Variants in CPEB3 observed in about 807,000 individuals in gnomAD.
CPEB3 encodes the protein cytoplasmic polyadenylation element-binding protein 3.
In CPEB3, 20 loss-of-function variants were observed where a neutral mutation model predicts 67.2. That is an observed-to-expected ratio of 0.30 (90% CI 0.21 to 0.43). CPEB3 has a LOEUF of 0.43. CPEB3 is among the 20% of genes least tolerant of loss of function. The pLI, the probability that CPEB3 is intolerant of heterozygous loss-of-function variation, is 1.00. For missense variants in CPEB3, 746 were observed against 968.6 expected (o/e 0.77, Z 3.05); for synonymous variants, 376 against 393.1 (o/e 0.96, Z 0.51).
intron 2 of CPEB3, among the ~76,000 whole-genome samples, chr10:92,209,389 G>A (rs1379839876): frequency 6.6e-6 from 1 of 152,134 alleles, no homozygotes; most frequent in Non-Finnish European, 1.5e-5. Context: ...GCTGGGCGTG[G>A]TGGCACATGC....
intron 6 of CPEB3, among the ~76,000 whole-genome samples, chr10:92,121,348 C>CAT (rs1311471882): frequency 2.6e-4 from 38 of 145,730 alleles, no homozygotes; most frequent in Non-Finnish European, 4.2e-4. Flanking sequence ...AATACACACA[C>CAT]ATATATATAT....
intron 1 of CPEB3, among the ~76,000 whole-genome samples, chr10:92,277,432 C>G (rs1185536952): frequency 6.6e-6 from 1 of 152,172 alleles, no homozygotes; most frequent in Non-Finnish European, 1.5e-5. Flanking sequence ...GCATCCTTGT[C>G]AAAATCTATT....
At position 92,279,495 on chromosome 10, in the gene CPEB3, G is replaced by A. The variant is rs149374878; in HGVS notation, c.-12+11431C>T. On this transcript the variant is annotated intron_variant, in intron 1 of 9. Transcript: ENST00000265997. ...TTCATTTTTCCTTCACAGTACTCCA[G>A]CATATGTCTATTTATAGCACTTCAT... is the stretch of plus-strand genomic sequence containing the variant. Among the ~76,000 whole-genome samples the A allele has an allele frequency of 1.3e-3, 195 of 152,140 alleles. 1 individual carries two copies. Among genetic ancestry groups the A allele is most frequent in the East Asian group, 9.6e-3 (50 of 5,186 alleles).
At chr10:92,286,578 CTATCTAAAAAAAAAAAAAAAAAACA>C (rs932180906) in intron 1 of CPEB3, among the ~76,000 whole-genome samples, 2 of 140,922 alleles carry the variant, frequency 1.4e-5, no homozygotes, top group African/African-American at 5.3e-5. Flanking sequence ...GAGCAAGACT[CTATCTAAAAAAAAAAAAAAAAAACA>C]TAGGTATAGT....
chr10:92,201,207 A>C (rs1849507271), intron 2 of CPEB3, among the ~76,000 whole-genome samples: 1 of 152,118 alleles, frequency 6.6e-6, no homozygotes, highest in African/African-American at 2.4e-5. Context: ...AATGACTATG[A>C]CGGTCAGAAG....
Position 92,239,964 on chromosome 10 carries a change from T to G in CPEB3, c.387A>C (p.Pro129=), listed in dbSNP as rs766806592. The G allele has an allele frequency of 6.2e-7, 1 of 1,613,288 alleles. No homozygotes were observed. Among genetic ancestry groups the G allele is most frequent in the South Asian group, 1.1e-5 (1 of 90,862 alleles). The change falls in exon 2 of 10, where the codon CCA becomes CCC. Residue 129 remains proline, a synonymous_variant. Coordinates refer to ENST00000265997, the MANE Select transcript of CPEB3 (RefSeq NM_014912.5). The surrounding 1 kb of genome is among the most constrained non-coding windows in gnomAD (Gnocchi z 6.0). ...TCTGGAAGAGCATGGTCCCGTTGAC[T>G]GGGGTGATCCCCTGGAAGAAGCTGT... ...VEDSFFQGIT[P]VNGTMLFQNF...
intron 4 of CPEB3, among the ~76,000 whole-genome samples, chr10:92,169,407 G>A (rs1847902748): frequency 6.6e-6 from 1 of 152,310 alleles, no homozygotes; most frequent in South Asian, 2.1e-4. Context: ...CCAAAGTGCT[G>A]GGATTACAGG....
In CPEB3 at chr10:92,081,301, A is replaced by T; in HGVS notation, c.1869+19T>A. On this transcript the variant is annotated intron_variant, in intron 9 of 9. Coordinates refer to ENST00000265997, the MANE Select transcript of CPEB3 (RefSeq NM_014912.5). ...TTCTTTTCTCTCCCATAGCAGTTTCACCCTAAGTAGGTGCTTACCCGTTTG... is the reference window on the plus strand; with the variant it reads ...TTCTTTTCTCTCCCATAGCAGTTTCTCCCTAAGTAGGTGCTTACCCGTTTG... 6.2e-7 allele frequency: 1 copy of T among 1,614,042 alleles called. No individual in the cohort carries two copies. The highest frequency in any genetic ancestry group is 8.5e-7 in the Non-Finnish European group (1 of 1,179,934).
At chr10:92,077,166 C>A (rs1471676829) in intron 9 of CPEB3, among the ~76,000 whole-genome samples, 1 of 152,056 alleles carries the variant, frequency 6.6e-6, no homozygotes, top group Non-Finnish European at 1.5e-5. Flanking sequence ...TAAGGAAATA[C>A]AAAAGTGCTT....
intron 2 of CPEB3, among the ~76,000 whole-genome samples, chr10:92,217,850 G>A (rs374383101): frequency 6.6e-6 from 1 of 152,202 alleles, no homozygotes; most frequent in South Asian, 2.1e-4. Context: ...AAATCAAAGA[G>A]GTCAGGCCTG....
chr10:92,178,702 T>G (rs1431229129), intron 4 of CPEB3, among the ~76,000 whole-genome samples: 2 of 152,004 alleles, frequency 1.3e-5, no homozygotes, highest in African/African-American at 4.8e-5. Flanking sequence ...ACATACATAT[T>G]TTAAAAAAGA....
chr10:92,136,996 T>C lies in CPEB3; in HGVS notation c.1453+6033A>G, dbSNP rs147485284. On this transcript the variant is annotated intron_variant, in intron 6 of 9. Transcript: ENST00000265997. Reference sequence around the variant, plus strand: ...TGGAATCCCTCCTCCATGGCATCTATGCCTATGGTTTTGAGAAGTCCTCTG... The same window carrying C: ...TGGAATCCCTCCTCCATGGCATCTACGCCTATGGTTTTGAGAAGTCCTCTG... 6.3e-4 allele frequency: 132 copies of C among 209,368 alleles called. 4 individuals carry two copies. The East Asian group carries it at 0.016, about 25-fold the overall frequency. The allele number at this position is 209,368 out of a possible 1,614,324, so 13.0% of individuals were successfully genotyped here. A position where few individuals can be genotyped will look rare whatever the true frequency, so the allele number is the denominator to read the frequency against.
At chr10:92,084,704 C>T (rs1383112190) in intron 8 of CPEB3, among the ~76,000 whole-genome samples, 1 of 152,110 alleles carries the variant, frequency 6.6e-6, no homozygotes, top group Non-Finnish European at 1.5e-5. Flanking sequence ...CTCAGCCTCC[C>T]GAGCAGCTGG....
At chr10:92,215,151 ATTTT>A (rs79149383) in intron 2 of CPEB3, among the ~76,000 whole-genome samples, 2 of 123,164 alleles carry the variant, frequency 1.6e-5, no homozygotes, top group Admixed American at 1.7e-4. Flanking sequence ...CCAAGCCAAG[ATTTT>A]TTTTTTTTTT....
At chr10:92,091,635 CT>C (rs1843623405) in intron 8 of CPEB3, among the ~76,000 whole-genome samples, 194 bp downstream of exon 8, 1 of 152,184 alleles carries the variant, frequency 6.6e-6, no homozygotes, top group Admixed American at 6.5e-5. Context: ...ATGAAATTCA[CT>C]TTTGCACCAT....
At chr10:92,276,319 C>T (rs1185740882) in intron 1 of CPEB3, among the ~76,000 whole-genome samples, 2 of 141,714 alleles carry the variant, frequency 1.4e-5, no homozygotes, top group African/African-American at 5.1e-5. Flanking sequence ...GCTCTTGTTG[C>T]CCAGGTTGGA....
intron 3 of CPEB3, among the ~76,000 whole-genome samples, chr10:92,184,139 ACTTC>A (rs1246213459): frequency 2.0e-5 from 3 of 152,126 alleles, no homozygotes; most frequent in African/African-American, 4.8e-5. Context: ...TCCAACCTAA[ACTTC>A]CTTATGATGC....
intron 7 of CPEB3, among the ~76,000 whole-genome samples, chr10:92,095,595 T>C (rs1843822692): frequency 1.2e-5 from 1 of 83,176 alleles, no homozygotes; most frequent in South Asian, 2.8e-4. Context: ...TATATATATA[T>C]ATATATTTTT....
chr10:92,137,534 T>C (rs896257631), intron 6 of CPEB3: 15 of 810,652 alleles, frequency 1.9e-5, no homozygotes, highest in Non-Finnish European at 2.8e-5. Flanking sequence ...AAGAAGTTCA[T>C]AAGGGACCCC....
Sources: allele counts gnomAD v4.1 joint callset (sites outside exome capture counted in the v4.1 genomes callset), GRCh38; gene constraint gnomAD v4.1.1; non-coding constraint Gnocchi (gnomAD v3.1); transcripts MANE v1.5; gene names NCBI Gene and HGNC (gene_info 2026-07-23, HGNC 2026-07-21).